NTRK1: variants seen among roughly 807,000 people sequenced by gnomAD.
NTRK1 encodes neurotrophic receptor tyrosine kinase 1.
In NTRK1, 62 loss-of-function variants were observed where a neutral mutation model predicts 86.8. That is an observed-to-expected ratio of 0.71 (90% CI 0.58 to 0.88). The LOEUF is 0.88. NTRK1 is among the 40% of genes least tolerant of loss of function. The pLI, the probability that NTRK1 is intolerant of heterozygous loss-of-function variation, is 0.00. For synonymous variants in NTRK1, 469 were observed against 456.6 expected (o/e 1.03, Z -0.35); for missense variants, 967 against 1,078.4 (o/e 0.90, Z 1.45).
At chr1:156,867,851 T>C (rs41452345) in intron 4 of NTRK1, among the ~76,000 whole-genome samples, 4 of 151,706 alleles carry the variant, frequency 2.6e-5, no homozygotes, top group Non-Finnish European at 4.4e-5. Context: ...GTTTTTGCAT[T>C]TTTAGTAGAG....
chr1:156,845,870 C>A (rs1046087375), intron 2 of NTRK1: 1 of 1,600,570 alleles, frequency 6.2e-7, no homozygotes, highest in Non-Finnish European at 8.5e-7. Context: ...GCCTCTGATC[C>A]CCCCCACCTG....
intron 12 of NTRK1, 69 bp from the exon 13 acceptor site, chr1:156,876,011 G>A: frequency 1.9e-6 from 3 of 1,612,424 alleles, no homozygotes; most frequent in Non-Finnish European, 2.5e-6. Context: ...GCCCTGCCAA[G>A]ACAGTCCCCG....
At chr1:156,853,096 C>T (rs1655284071) in intron 2 of NTRK1, among the ~76,000 whole-genome samples, 1 of 151,952 alleles carries the variant, frequency 6.6e-6, no homozygotes, top group African/African-American at 2.4e-5. Flanking sequence ...TGCTTTTTTC[C>T]TCTCCTTGCA....
intron 1 of NTRK1, among the ~76,000 whole-genome samples, chr1:156,825,072 A>G (rs1654285596): frequency 6.6e-6 from 1 of 152,158 alleles, no homozygotes; most frequent in Non-Finnish European, 1.5e-5. Flanking sequence ...TATTTTTAGT[A>G]GAGACGGGGT....
chr1:156,849,497 T>TGGGG, intron 2 of NTRK1: 1 of 243,940 alleles, frequency 4.1e-6, no homozygotes, highest in Admixed American at 5.1e-5. Flanking sequence ...TGCGGGGAGG[T>TGGGG]GGGGGCAGGG....
intron 1 of NTRK1, among the ~76,000 whole-genome samples, chr1:156,831,890 T>C (rs1313191195): frequency 6.6e-6 from 1 of 152,100 alleles, no homozygotes; most frequent in African/African-American, 2.4e-5. Flanking sequence ...ATAGACTTGG[T>C]GGCTGAGGAG....
chr1:156,877,123 C>A (rs1647968515), intron 14 of NTRK1, among the ~76,000 whole-genome samples: 1 of 152,202 alleles, frequency 6.6e-6, no homozygotes, highest in Admixed American at 6.5e-5. Flanking sequence ...TGGGCTCAAG[C>A]AATTCTCCCG....
chr1:156,816,207 G>A (rs1172507177), intron 1 of NTRK1: 23 of 1,456,582 alleles, frequency 1.6e-5, no homozygotes, highest in South Asian at 2.9e-5. Flanking sequence ...CAGTCTTAAC[G>A]ACAGGAAAAA....
chr1:156,825,573 A>G (rs1008258870), intron 1 of NTRK1, among the ~76,000 whole-genome samples: 1 of 152,034 alleles, frequency 6.6e-6, no homozygotes, highest in Non-Finnish European at 1.5e-5. Flanking sequence ...TTTGTGTCCA[A>G]ACCTTAACAA....
chr1:156,837,448 C>T (rs1486482281), intron 1 of NTRK1, among the ~76,000 whole-genome samples: 3 of 152,226 alleles, frequency 2.0e-5, no homozygotes, highest in Non-Finnish European at 2.9e-5. Context: ...GGCCCTTGGC[C>T]GAGTAACCCA....
At chr1:156,850,348 A>T (rs952431725) in intron 2 of NTRK1, among the ~76,000 whole-genome samples, 1 of 151,672 alleles carries the variant, frequency 6.6e-6, no homozygotes, top group African/African-American at 2.4e-5. Flanking sequence ...AGTAGCTGGG[A>T]CTACAGGTGC....
intron 3 of NTRK1, among the ~76,000 whole-genome samples, chr1:156,865,854 G>A (rs1655906424): frequency 6.6e-6 from 1 of 152,130 alleles, no homozygotes. Flanking sequence ...AGTTATGCAG[G>A]GTCCTCTAAA....
chr1:156,857,118 G>A (rs1351130723), upstream of NTRK1, among the ~76,000 whole-genome samples: 2 of 150,198 alleles, frequency 1.3e-5, no homozygotes, highest in Non-Finnish European at 2.9e-5. Context: ...TCTTCTCCCT[G>A]TTGTCATTAA....
At chr1:156,867,644 T>C (rs1332172858) in intron 4 of NTRK1, among the ~76,000 whole-genome samples, 1 of 149,200 alleles carries the variant, frequency 6.7e-6, no homozygotes, top group Non-Finnish European at 1.5e-5. Context: ...ATTTCTTTTC[T>C]TTTCTTTCTT....
Position 156,873,622 on chromosome 1 carries a change from C to A in NTRK1, c.851-11C>A, listed in dbSNP as rs2102904627. On this transcript the variant is annotated splice_polypyrimidine_tract_variant and intron_variant, in intron 7 of 16. Coordinates refer to ENST00000524377, the MANE Select transcript of NTRK1 (RefSeq NM_002529.4). ...CCCTGACCTCCTGCTGTTGCTCTTTCTGGCCCACAGTCCCGGCCAGTGTGC... is the reference window on the plus strand; with the variant it reads ...CCCTGACCTCCTGCTGTTGCTCTTTATGGCCCACAGTCCCGGCCAGTGTGC... 6.2e-7 allele frequency: 1 copy of A among 1,609,532 alleles called. No homozygotes were observed. Among genetic ancestry groups the A allele is most frequent in the African/African-American group, 1.3e-5 (1 of 74,946 alleles).
chr1:156,864,326 CT>C, intron 1 of NTRK1, 27 bp from the exon 2 acceptor site: 4 of 1,613,266 alleles, frequency 2.5e-6, no homozygotes, highest in Non-Finnish European at 3.4e-6. Flanking sequence ...GGCCTGAGCC[CT>C]GTGACTCCCA....
chr1:156,848,148 G>C (rs555854518), intron 2 of NTRK1, among the ~76,000 whole-genome samples: 31 of 152,198 alleles, frequency 2.0e-4, no homozygotes, highest in South Asian at 1.9e-3. Flanking sequence ...CTGAGACCTA[G>C]GAGGGTCTCG....
At chr1:156,876,676 C>T in intron 14 of NTRK1, 104 bp downstream of exon 14, 1 of 1,396,682 alleles carries the variant, frequency 7.2e-7, no homozygotes, top group South Asian at 1.2e-5. Context: ...AGGGGAGACA[C>T]CAAGAAAGAT....
At chr1:156,868,366 T>G in intron 5 of NTRK1, 117 bp downstream of exon 5, 1 of 1,534,096 alleles carries the variant, frequency 6.5e-7, no homozygotes, top group Non-Finnish European at 8.8e-7. Context: ...TGGCAAAGGC[T>G]GGGGGAAACT....
Sources: gnomAD v4.1 joint callset for allele counts (sites outside exome capture counted in the v4.1 genomes callset) on GRCh38, gnomAD v4.1.1 for gene constraint, MANE v1.5 for transcripts, NCBI Gene and HGNC (gene_info 2026-07-23, HGNC 2026-07-21) for gene names.